ARVCF: variants seen among roughly 807,000 people sequenced by gnomAD.
ARVCF encodes the protein ARVCF delta catenin family member.
Under a neutral mutation model 90.9 loss-of-function variants are expected in ARVCF, and 66 were observed. The observed-to-expected ratio is 0.73, with a 90% CI of 0.60 to 0.89. ARVCF has a LOEUF of 0.89. Ranked by LOEUF, ARVCF falls within the 40% of genes least tolerant of loss-of-function variation. The pLI is 0.00. For missense variants in ARVCF, 1,469 were observed against 1,382.3 expected, an observed-to-expected ratio of 1.06 and a Z score of -1.00; for synonymous variants, 653 against 603.4, an observed-to-expected ratio of 1.08 and a Z score of -1.21.
chr22:20,006,920 G>A (rs928137844), intron 2 of ARVCF, among the ~76,000 whole-genome samples: 4 of 151,428 alleles, frequency 2.6e-5, no homozygotes, highest in Non-Finnish European at 5.9e-5. Context: ...ATGAGCCACC[G>A]CGCCTGGCCT....
At chr22:19,968,064 G>T (rs2146195428), downstream of ARVCF, among the ~76,000 whole-genome samples, 1 of 152,320 alleles carries the variant, frequency 6.6e-6, no homozygotes, top group South Asian at 2.1e-4. Context: ...GGGCAGGCTT[G>T]TTGATGGGAG....
intron 16 of ARVCF, 112 bp from the exon 17 acceptor site, chr22:19,972,523 T>G: frequency 2.9e-6 from 4 of 1,379,694 alleles, no homozygotes; most frequent in Non-Finnish European, 4.0e-6. Context: ...GTCACTAAGG[T>G]GCCCAACCTC....
intron 2 of ARVCF, among the ~76,000 whole-genome samples, chr22:19,998,894 C>G (rs1192211787): frequency 1.3e-5 from 2 of 152,202 alleles, no homozygotes; most frequent in Admixed American, 6.5e-5. Flanking sequence ...TCTCAAGCCT[C>G]AGCCTCCGTC....
chr22:19,972,322 G>A (rs771068133), intron 17 of ARVCF, 36 bp downstream of exon 17: 29 of 1,613,272 alleles, frequency 1.8e-5, no homozygotes, highest in South Asian at 4.4e-5. Flanking sequence ...GTCCCCTCCC[G>A]GCACAGAAAA....
intron 12 of ARVCF, 100 bp downstream of exon 12, chr22:19,974,012 C>A: frequency 6.6e-7 from 1 of 1,523,912 alleles, no homozygotes; most frequent in East Asian, 2.3e-5. Context: ...GGTGGTGTGG[C>A]CCCTCCTTTC....
rs150590034 is a variant in ARVCF at position 19,970,312 on chromosome 22, A to G, written c.*444T>C. 7,811 of 996,766 alleles carry G rather than the reference A, an allele frequency of 7.8e-3. 38 individuals are homozygous for G. Among genetic ancestry groups the G allele is most frequent in the South Asian group, 0.011 (248 of 23,180 alleles). The allele number at this position is 996,766 out of a possible 1,614,324, so 61.7% of individuals were successfully genotyped here. A position where few individuals can be genotyped will look rare whatever the true frequency, so the allele number is the denominator to read the frequency against. ...GCCCAGGGAGACCCTCCGCCTTTAG[A>G]AGTCCAAGTTCTTTCCCAGCCCCCT... On this transcript the variant is annotated 3_prime_UTR_variant, in exon 20 of 20. Coordinates refer to ENST00000263207, the MANE Select transcript of ARVCF (RefSeq NM_001670.3).
At chr22:20,008,664 C>T (rs1944719365) in intron 2 of ARVCF, among the ~76,000 whole-genome samples, 1 of 152,228 alleles carries the variant, frequency 6.6e-6, no homozygotes, top group African/African-American at 2.4e-5. Flanking sequence ...CTGCCTCCCG[C>T]TGTGGACAGG....
At chr22:19,967,122 C>T (rs1217011437), downstream of ARVCF, 2 of 1,291,096 alleles carry the variant, frequency 1.5e-6, no homozygotes, top group Non-Finnish European at 2.0e-6. Context: ...ACCCATGCTC[C>T]TTTCTGCCCT....
intron 3 of ARVCF, among the ~76,000 whole-genome samples, chr22:19,988,415 C>A (rs1008628525): frequency 6.6e-6 from 1 of 152,270 alleles, no homozygotes; most frequent in Non-Finnish European, 1.5e-5. Flanking sequence ...ACTGCACCAG[C>A]AGCTAGTGCC....
chr22:19,990,500 G>A (rs886883060), intron 3 of ARVCF, 85 bp downstream of exon 3: 18 of 1,444,582 alleles, frequency 1.2e-5, no homozygotes, highest in Middle Eastern at 1.8e-4. Flanking sequence ...ATAAGCGAGC[G>A]CATGCTGGCT....
chr22:20,001,823 C>T (rs1007863029), intron 2 of ARVCF, among the ~76,000 whole-genome samples: 18 of 152,156 alleles, frequency 1.2e-4, no homozygotes, highest in Admixed American at 4.6e-4. Flanking sequence ...GAAAAGGAGC[C>T]GCTATAAATA....
downstream of ARVCF, chr22:19,969,039 G>A (rs1044521483): frequency 1.1e-5 from 3 of 273,802 alleles, no homozygotes; most frequent in Admixed American, 9.7e-5. Flanking sequence ...ACTCGACTTA[G>A]TACATCCTTC....
At chr22:19,971,616 A>G (rs966806519) in intron 18 of ARVCF, among the ~76,000 whole-genome samples, 3 of 152,178 alleles carry the variant, frequency 2.0e-5, no homozygotes, top group East Asian at 1.9e-4. Context: ...TCTCACACGC[A>G]CATGCACAGA....
Position 19,972,832 on chromosome 22 carries a change from G to T in ARVCF, c.2551-5C>A. 6.2e-7 allele frequency: 1 copy of T among 1,613,680 alleles called. No homozygotes were observed. The highest frequency in any genetic ancestry group is 8.5e-7 in the Non-Finnish European group (1 of 1,179,824). On this transcript the variant is annotated splice_polypyrimidine_tract_variant and splice_region_variant and intron_variant, in intron 15 of 19. Coordinates refer to ENST00000263207, the MANE Select transcript of ARVCF (RefSeq NM_001670.3). ...CTTGGCAGTAGCAGCAGCTGACTGA[G>T]ACATAAAACACAGACACAGGGTGGG...
chr22:20,005,267 G>A (rs957571183), intron 2 of ARVCF, among the ~76,000 whole-genome samples: 3 of 151,694 alleles, frequency 2.0e-5, no homozygotes, highest in African/African-American at 4.8e-5. Flanking sequence ...ATATATAAAC[G>A]GCCAACAAGC....
chr22:20,000,744 T>C (rs1159394883), intron 2 of ARVCF, among the ~76,000 whole-genome samples: 2 of 152,224 alleles, frequency 1.3e-5, no homozygotes, highest in Non-Finnish European at 2.9e-5. Context: ...TGCCCTTATA[T>C]GATCAGTGTC....
At chr22:19,993,228 C>T (rs1315541869) in intron 2 of ARVCF, among the ~76,000 whole-genome samples, 1 of 152,142 alleles carries the variant, frequency 6.6e-6, no homozygotes. Context: ...ATGCTCCAGG[C>T]AGAGCACAGA....
chr22:19,978,155 T>A, intron 7 of ARVCF, 80 bp from the exon 8 acceptor site: 1 of 1,321,044 alleles, frequency 7.6e-7, no homozygotes, highest in Non-Finnish European at 1.0e-6. Context: ...GGGCTTGTCT[T>A]CATCTGCAAA....
chr22:20,015,111 A>G (rs1944981529), intron 1 of ARVCF, among the ~76,000 whole-genome samples: 1 of 152,190 alleles, frequency 6.6e-6, no homozygotes, highest in Admixed American at 6.5e-5. Flanking sequence ...CTTGGTCAGA[A>G]GGTCCTTGTG....
Sources: gnomAD v4.1 joint callset for allele counts (sites outside exome capture counted in the v4.1 genomes callset) on GRCh38, gnomAD v4.1.1 for gene constraint, MANE v1.5 for transcripts, NCBI Gene and HGNC (gene_info 2026-07-23, HGNC 2026-07-21) for gene names.